PTPRO: variants seen among roughly 807,000 people sequenced by gnomAD.
PTPRO encodes the protein protein tyrosine phosphatase receptor type O.
PTPRO carries 62 observed loss-of-function variants against 145.2 expected under a neutral mutation model. The ratio of observed to expected loss-of-function variants is 0.43; its 90% CI spans 0.35 to 0.53. The LOEUF (loss-of-function observed/expected upper bound fraction) is 0.53. PTPRO is among the 20% of genes least tolerant of loss of function. The pLI is 0.01. For missense variants in PTPRO, 1,345 were observed against 1,482.7 expected (o/e 0.91, Z 1.53); for synonymous variants, 565 against 514.7 (o/e 1.10, Z -1.32).
At chr12:15,548,967 A>G (rs1943377928) in intron 13 of PTPRO, 127 bp from the exon 14 acceptor site, 1 of 1,064,062 alleles carries the variant, frequency 9.4e-7, no homozygotes, top group Admixed American at 1.8e-5. Flanking sequence ...ACATTTTTCA[A>G]TGCTATTCTT....
At chr12:15,388,046 C>A (rs1019330919) in intron 1 of PTPRO, among the ~76,000 whole-genome samples, 1 of 152,026 alleles carries the variant, frequency 6.6e-6, no homozygotes, top group African/African-American at 2.4e-5. Context: ...ATAAACAATG[C>A]TCATTATAGA....
chr12:15,381,857 T>G (rs1279906653), intron 1 of PTPRO, among the ~76,000 whole-genome samples: 4 of 152,120 alleles, frequency 2.6e-5, no homozygotes, highest in African/African-American at 9.7e-5. Context: ...TTTTCCGTAT[T>G]TAATGAAAGT....
At chr12:15,473,856 G>T (rs889916889) in intron 1 of PTPRO, among the ~76,000 whole-genome samples, 1 of 149,996 alleles carries the variant, frequency 6.7e-6, no homozygotes, top group African/African-American at 2.5e-5. Context: ...TATTTATTGA[G>T]TTCATAGTGT....
At chr12:15,529,326 C>T (rs146476158) in intron 12 of PTPRO, among the ~76,000 whole-genome samples, 3 of 152,092 alleles carry the variant, frequency 2.0e-5, no homozygotes, top group African/African-American at 7.2e-5. Flanking sequence ...TATTCTTTTG[C>T]TCATGATCTA....
intron 1 of PTPRO, among the ~76,000 whole-genome samples, chr12:15,419,659 T>C (rs1940079626): frequency 6.6e-6 from 1 of 151,352 alleles, no homozygotes; most frequent in African/African-American, 2.5e-5. Flanking sequence ...TTGATGCCCT[T>C]CGAGAGCATA....
intron 9 of PTPRO, among the ~76,000 whole-genome samples, chr12:15,517,989 G>C (rs966323211): frequency 6.9e-6 from 1 of 145,260 alleles, no homozygotes. Flanking sequence ...CCCCAGTAGG[G>C]ACTCTGTGTG....
intron 16 of PTPRO, among the ~76,000 whole-genome samples, chr12:15,559,971 T>C (rs1943729775): frequency 6.6e-6 from 1 of 152,176 alleles, no homozygotes; most frequent in African/African-American, 2.4e-5. Context: ...TATATCTGAT[T>C]ACAATAAGGT....
chr12:15,545,767 C>T lies in PTPRO; in HGVS notation c.2165-802C>T, dbSNP rs917340491. ...TTATATTATCAGCCAGGCACGGTGG[C>T]TCACACCTGTAATCCCAATACTTTG... is the stretch of plus-strand genomic sequence containing the variant. On this transcript the variant is annotated intron_variant, in intron 12 of 26. Transcript: ENST00000281171. Among the ~76,000 whole-genome samples, 66 of 152,120 alleles carry T rather than the reference C, an allele frequency of 4.3e-4. 1 individual carries two copies. The highest frequency in any genetic ancestry group is 1.3e-4 in the Admixed American group (2 of 15,272).
chr12:15,383,107 C>A (rs1274859112), intron 1 of PTPRO, among the ~76,000 whole-genome samples: 1 of 152,176 alleles, frequency 6.6e-6, no homozygotes, highest in Non-Finnish European at 1.5e-5. Flanking sequence ...ACCAACATCT[C>A]CCCTTTCCTT....
intron 1 of PTPRO, among the ~76,000 whole-genome samples, chr12:15,376,573 T>C (rs758799275): frequency 1.3e-5 from 2 of 152,152 alleles, no homozygotes; most frequent in African/African-American, 2.4e-5. Context: ...AATGCTATAA[T>C]AAAAATACCA....
At position 15,565,646 on chromosome 12, in the gene PTPRO, T is replaced by G. The variant is rs770704400; in HGVS notation, c.2747+18T>G. 7.1e-7 allele frequency: 1 copy of G among 1,405,400 alleles called. No individual in the cohort carries two copies. Among genetic ancestry groups the G allele is most frequent in the Admixed American group, 1.7e-5 (1 of 58,602 alleles). The allele number at this position is 1,405,400 out of a possible 1,614,324, so 87.1% of individuals were successfully genotyped here. On this transcript the variant is annotated intron_variant, in intron 18 of 26. Coordinates refer to ENST00000281171, the MANE Select transcript of PTPRO (RefSeq NM_030667.3). ...CTGACAAAGTAAGTTTTTCTTACTA[T>G]GTCATTTAAAAGGATGTTTGTTATA... is the stretch of plus-strand genomic sequence containing the variant.
intron 12 of PTPRO, among the ~76,000 whole-genome samples, chr12:15,539,721 C>T (rs1313566005): frequency 2.6e-5 from 3 of 117,504 alleles, no homozygotes; most frequent in Non-Finnish European, 4.9e-5. Context: ...GAGATTGCGC[C>T]GCTGCACTCC....
At chr12:15,562,525 T>C (rs1943799377) in intron 17 of PTPRO, among the ~76,000 whole-genome samples, 1 of 152,140 alleles carries the variant, frequency 6.6e-6, no homozygotes, top group Non-Finnish European at 1.5e-5. Flanking sequence ...ACTAGTGGTT[T>C]GTGTGGAAAT....
chr12:15,501,760 A>G lies in PTPRO; in HGVS notation c.802A>G (p.Thr268Ala), dbSNP rs772543407. The change falls in exon 5 of 27, where the codon ACA (threonine) becomes GCA (alanine). Residue 268 changes from threonine to alanine, a missense_variant. Physicochemically the swap from Thr to Ala is moderately conservative, Grantham distance 58. Coordinates refer to ENST00000281171, the MANE Select transcript of PTPRO (RefSeq NM_030667.3). ...AGGAAAAGAAAAACTCTTCCATTTT[A>G]CAGAAGAAACCCCTGAAATTCCCTC... ...TIGKEKLFHF[T>A]EETPEIPSGN... 5 of 1,613,998 alleles carry G rather than the reference A, an allele frequency of 3.1e-6. No homozygotes were observed. The African/African-American group carries it at 5.3e-5, about 17-fold the overall frequency.
chr12:15,396,443 CA>C (rs5796632), intron 1 of PTPRO, among the ~76,000 whole-genome samples: 8,402 of 151,282 alleles, frequency 0.056, 249 homozygotes, highest in Non-Finnish European at 0.069. Flanking sequence ...TACTAAATTA[CA>C]AAAAAAATTA....
At chr12:15,572,892 T>G (rs1382625478) in intron 19 of PTPRO, among the ~76,000 whole-genome samples, 1 of 152,148 alleles carries the variant, frequency 6.6e-6, no homozygotes, top group Non-Finnish European at 1.5e-5. Context: ...GCTAACAGTA[T>G]TTTATGGAAG....
intron 1 of PTPRO, among the ~76,000 whole-genome samples, chr12:15,460,197 C>A (rs1190749197): frequency 2.0e-5 from 3 of 152,144 alleles, no homozygotes; most frequent in Non-Finnish European, 4.4e-5. Context: ...ACTATTTATG[C>A]CTGCAAACTA....
chr12:15,475,098 C>T (rs1425979439), intron 1 of PTPRO, among the ~76,000 whole-genome samples: 1 of 152,170 alleles, frequency 6.6e-6, no homozygotes, highest in African/African-American at 2.4e-5. Context: ...GATTTTATTG[C>T]CTATGAAGCA....
chr12:15,328,607 G>A (rs1206443721), intron 1 of PTPRO, among the ~76,000 whole-genome samples: 2 of 152,084 alleles, frequency 1.3e-5, no homozygotes, highest in Non-Finnish European at 2.9e-5. Context: ...CTTGAGAGCG[G>A]TATTGCAAAT....
Sources: allele counts gnomAD v4.1 joint callset (sites outside exome capture counted in the v4.1 genomes callset), GRCh38; gene constraint gnomAD v4.1.1; transcripts MANE v1.5; gene names NCBI Gene and HGNC (gene_info 2026-07-23, HGNC 2026-07-21).